TUSC3: variants seen among roughly 807,000 people sequenced by gnomAD.
The protein encoded by TUSC3 is tumor suppressor candidate 3.
TUSC3 carries 45 observed loss-of-function variants against 44.8 expected under a neutral mutation model. The observed-to-expected ratio is 1.00, with a 90% CI of 0.79 to 1.29. TUSC3 has a LOEUF of 1.29. Ranked by LOEUF, TUSC3 falls within the 50% of genes most tolerant of loss-of-function variation. TUSC3 has a pLI of 0.00. For synonymous variants in TUSC3, 212 were observed against 152.9 expected, an observed-to-expected ratio of 1.39 and a Z score of -2.85; for missense variants, 519 against 437.9, an observed-to-expected ratio of 1.19 and a Z score of -1.65.
the TUSC3 span, among the ~76,000 whole-genome samples, chr8:15,809,048 A>C: frequency 6.6e-6 from 1 of 152,238 alleles, no homozygotes; most frequent in South Asian, 2.1e-4. Flanking sequence ...TGGTGGGAGG[A>C]AAAGCACGTT....
chr8:15,717,986 A>G (rs992796884), intron 6 of TUSC3, among the ~76,000 whole-genome samples: 1 of 152,040 alleles, frequency 6.6e-6, no homozygotes, highest in Non-Finnish European at 1.5e-5. Flanking sequence ...CCAAGACACT[A>G]TGTTTTGTAT....
chr8:15,610,624 T>C (rs984340697), intron 1 of TUSC3, among the ~76,000 whole-genome samples: 1 of 152,220 alleles, frequency 6.6e-6, no homozygotes, highest in Non-Finnish European at 1.5e-5. Context: ...CTTCGAAATA[T>C]TCTTTTTTGC....
At chr8:15,471,942 T>C (rs1800499567) in intron 1 of TUSC3, among the ~76,000 whole-genome samples, 2 of 152,172 alleles carry the variant, frequency 1.3e-5, no homozygotes, top group African/African-American at 2.4e-5. Context: ...TTTAACATCA[T>C]AGTTGAATAA....
chr8:15,443,352 G>C (rs1340131570), intron 1 of TUSC3, among the ~76,000 whole-genome samples: 4 of 150,020 alleles, frequency 2.7e-5, no homozygotes, highest in Admixed American at 2.7e-4. Context: ...GTGTGTGTGT[G>C]TGTGTGTGTG....
At chr8:15,425,920 G>C (rs1193085894) in intron 1 of TUSC3, among the ~76,000 whole-genome samples, 1 of 152,176 alleles carries the variant, frequency 6.6e-6, no homozygotes, top group Non-Finnish European at 1.5e-5. Context: ...GGAGGCCAAG[G>C]TGAGAGGATC....
At chr8:15,542,854 C>T (rs1563280860) in intron 1 of TUSC3, among the ~76,000 whole-genome samples, 1 of 152,166 alleles carries the variant, frequency 6.6e-6, no homozygotes, top group South Asian at 2.1e-4. Flanking sequence ...GTATATTTTA[C>T]TGAAGAAAAG....
At chr8:15,581,257 G>A (rs1237336829) in intron 1 of TUSC3, among the ~76,000 whole-genome samples, 4 of 139,434 alleles carry the variant, frequency 2.9e-5, no homozygotes, top group Non-Finnish European at 6.1e-5. Context: ...TTTGCCTTTG[G>A]TTTGAATGTC....
chr8:15,627,837 C>A (rs895099247), intron 2 of TUSC3, among the ~76,000 whole-genome samples: 1 of 152,218 alleles, frequency 6.6e-6, no homozygotes, highest in Admixed American at 6.5e-5. Context: ...TTGCTCTGTT[C>A]CTGGTGTACC....
chr8:15,629,930 T>A (rs1805685219), intron 2 of TUSC3, among the ~76,000 whole-genome samples: 1 of 152,090 alleles, frequency 6.6e-6, no homozygotes, highest in Non-Finnish European at 1.5e-5. Context: ...CCCTCAGTGC[T>A]AACATCAAAC....
At chr8:15,835,080 G>A in the TUSC3 span, among the ~76,000 whole-genome samples, 2 of 151,866 alleles carry the variant, frequency 1.3e-5, no homozygotes, top group African/African-American at 2.4e-5. Context: ...ATTTTTTGGG[G>A]GATAATTTTC....
chr8:15,454,815 T>G (rs1800235831), intron 1 of TUSC3, among the ~76,000 whole-genome samples: 1 of 152,312 alleles, frequency 6.6e-6, no homozygotes, highest in East Asian at 1.9e-4. Flanking sequence ...ATCAATGATT[T>G]ATATAAACAT....
intron 2 of TUSC3, among the ~76,000 whole-genome samples, chr8:15,512,885 T>TATATATATATAC (rs1358169360): frequency 8.4e-5 from 12 of 142,838 alleles, no homozygotes; most frequent in South Asian, 4.5e-4. Context: ...TATATATATA[T>TATATATATATAC]ACACACAATT....
At chr8:15,759,486 TAAAAA>T (rs1014042767) in intron 10 of TUSC3, among the ~76,000 whole-genome samples, 1 of 151,372 alleles carries the variant, frequency 6.6e-6, no homozygotes, top group Non-Finnish European at 1.5e-5. Context: ...TCAAGATAAA[TAAAAA>T]AAACAAAACA....
the TUSC3 span, among the ~76,000 whole-genome samples, chr8:15,776,638 C>T: frequency 6.6e-6 from 1 of 152,132 alleles, no homozygotes; most frequent in Non-Finnish European, 1.5e-5. Context: ...TCAATTTTTA[C>T]ATTCTTTTGA....
At chr8:15,846,102 T>C in the TUSC3 span, among the ~76,000 whole-genome samples, 1 of 152,132 alleles carries the variant, frequency 6.6e-6, no homozygotes, top group African/African-American at 2.4e-5. Flanking sequence ...CATGATTCAA[T>C]TACCTCCCCC....
At chr8:15,512,914 G>A (rs1476160010) in intron 2 of TUSC3, among the ~76,000 whole-genome samples, 17 of 88,584 alleles carry the variant, frequency 1.9e-4, no homozygotes, top group Admixed American at 4.6e-4. Flanking sequence ...GTATATATAT[G>A]TATCTATATA....
At chr8:15,723,122 CTT>C (rs1563190764) in intron 6 of TUSC3, among the ~76,000 whole-genome samples, 1 of 152,106 alleles carries the variant, frequency 6.6e-6, no homozygotes, top group East Asian at 1.9e-4. Context: ...GAACCACTGA[CTT>C]AGGTTAAGTA....
chr8:15,851,474 A>C, the TUSC3 span, among the ~76,000 whole-genome samples: 5 of 152,200 alleles, frequency 3.3e-5, no homozygotes, highest in East Asian at 9.6e-4. Flanking sequence ...TTTAATCCTC[A>C]CACATATAGA....
At chr8:15,706,088 T>C (rs775124104) in intron 6 of TUSC3, among the ~76,000 whole-genome samples, 2 of 152,042 alleles carry the variant, frequency 1.3e-5, no homozygotes, top group Non-Finnish European at 2.9e-5. Flanking sequence ...TTAAACCAGA[T>C]TGTAATCTAG....
Sources: gnomAD v4.1 joint callset for allele counts (sites outside exome capture counted in the v4.1 genomes callset) on GRCh38, gnomAD v4.1.1 for gene constraint, MANE v1.5 for transcripts, NCBI Gene and HGNC (gene_info 2026-07-23, HGNC 2026-07-21) for gene names.